Variants in GRIN2A observed in about 807,000 individuals in gnomAD.
GRIN2A encodes the protein glutamate ionotropic receptor NMDA type subunit 2A, also known as glutamate receptor ionotropic, NMDA 2A.
In GRIN2A, 22 loss-of-function variants were observed where a neutral mutation model predicts 113.4. The ratio of observed to expected loss-of-function variants is 0.19; its 90% confidence interval spans 0.14 to 0.28. The LOEUF is 0.28. GRIN2A is among the 10% of genes least tolerant of loss of function. GRIN2A has a pLI of 1.00. For missense variants in GRIN2A, 1,502 were observed against 1,887.0 expected (o/e 0.80, Z 3.78); for synonymous variants, 827 against 738.4 (o/e 1.12, Z -1.94).
In GRIN2A at chr16:9,871,110, G is replaced by A. The variant is rs577661907; in HGVS notation, c.1122+19876C>T. ...ATCACAGCAACAGATTTCCTGCCAC[G>A]CCCACAATTTTCCTGCTCCCATCTT... On this transcript the variant is annotated intron_variant, in intron 4 of 12. Coordinates refer to ENST00000330684, the MANE Select transcript of GRIN2A (RefSeq NM_001134407.3). 5.9e-5 allele frequency among the ~76,000 whole-genome samples: 9 copies of A among 151,564 alleles called. No homozygotes were observed. In the East Asian group the frequency reaches 1.2e-3, roughly 20 times the overall value.
chr16:9,891,366 C>T (rs976238851), intron 3 of GRIN2A, among the ~76,000 whole-genome samples: 6 of 152,174 alleles, frequency 3.9e-5, no homozygotes, highest in Admixed American at 1.3e-4. Flanking sequence ...GATCTTCTTA[C>T]AGGAAGATCT....
intron 4 of GRIN2A, among the ~76,000 whole-genome samples, chr16:9,856,637 A>G (rs1305580574): frequency 6.6e-6 from 1 of 151,896 alleles, no homozygotes; most frequent in Non-Finnish European, 1.5e-5. Context: ...AAAAAAAAAA[A>G]AAAAAAGATT....
intron 2 of GRIN2A, among the ~76,000 whole-genome samples, chr16:9,952,516 C>T (rs1036934645): frequency 7.2e-5 from 11 of 151,996 alleles, no homozygotes; most frequent in Non-Finnish European, 1.5e-4. Context: ...AGGCAGGGCC[C>T]GAGGGTAGGT....
chr16:10,002,330 C>T (rs766026872), intron 2 of GRIN2A, among the ~76,000 whole-genome samples: 46 of 152,200 alleles, frequency 3.0e-4, no homozygotes, highest in Non-Finnish European at 5.4e-4. Flanking sequence ...TGGGTTATTG[C>T]CAATAGATCT....
intron 3 of GRIN2A, among the ~76,000 whole-genome samples, chr16:9,924,638 T>C (rs1158427679): frequency 6.6e-6 from 1 of 152,242 alleles, no homozygotes; most frequent in East Asian, 1.9e-4. Flanking sequence ...CCAAAATTCT[T>C]CCTGCCCCCT....
chr16:9,812,105 A>ACAGT (rs1464831340), intron 10 of GRIN2A, among the ~76,000 whole-genome samples: 1 of 152,182 alleles, frequency 6.6e-6, no homozygotes, highest in African/African-American at 2.4e-5. Flanking sequence ...TATTATGAGA[A>ACAGT]CAGTCATATT....
rs145974948 is a variant in GRIN2A at position 9,835,841 on chromosome 16, C to A, written c.1652-1611G>T. Among the ~76,000 whole-genome samples, 18 of 152,270 alleles carry A rather than the reference C, an allele frequency of 1.2e-4. No individual in the cohort carries two copies. The East Asian group carries it at 3.5e-3, about 29-fold the overall frequency. On this transcript the variant is annotated intron_variant, in intron 7 of 12. Transcript: ENST00000330684. Reference sequence around the variant, plus strand: ...ATAACAAGAAACTAATATGTCCGAACTTAACTTTAGCTATATTGGATAATT... The same window carrying A: ...ATAACAAGAAACTAATATGTCCGAAATTAACTTTAGCTATATTGGATAATT...
In GRIN2A at chr16:9,932,859, T is replaced by C. The variant is rs142412079; in HGVS notation, c.1007+5100A>G. ...GGTCCGAAGTCTAAAAAAGTACAGA[T>C]TAGGTTCGAACCCATGCAACCTGGC... is the stretch of plus-strand genomic sequence containing the variant. On this transcript the variant is annotated intron_variant, in intron 3 of 12. Coordinates refer to ENST00000330684, the MANE Select transcript of GRIN2A (RefSeq NM_001134407.3). 2.3e-4 allele frequency among the ~76,000 whole-genome samples: 35 copies of C among 152,282 alleles called. 1 individual carries two copies. In the East Asian group the frequency reaches 6.8e-3, roughly 29 times the overall value.
chr16:9,935,573 G>C (rs937613079), intron 3 of GRIN2A, among the ~76,000 whole-genome samples: 1 of 140,644 alleles, frequency 7.1e-6, no homozygotes, highest in East Asian at 2.1e-4. Flanking sequence ...TCCAGCCCCA[G>C]TTCAGAGATA....
intron 4 of GRIN2A, among the ~76,000 whole-genome samples, chr16:9,859,609 TACAC>T (rs55697606): frequency 0.021 from 3,028 of 141,150 alleles, 36 homozygotes; most frequent in African/African-American, 0.029. Flanking sequence ...CTCGAACCTC[TACAC>T]ACACACACAC....
chr16:9,920,651 C>T (rs2044341519), intron 3 of GRIN2A, among the ~76,000 whole-genome samples: 1 of 151,166 alleles, frequency 6.6e-6, no homozygotes, highest in Non-Finnish European at 1.5e-5. Flanking sequence ...ACTGCAACCT[C>T]GCCTCCCAGG....
intron 2 of GRIN2A, among the ~76,000 whole-genome samples, chr16:10,103,416 A>G (rs1010837063): frequency 6.6e-6 from 1 of 152,216 alleles, no homozygotes; most frequent in Non-Finnish European, 1.5e-5. Context: ...CATTTCAGCC[A>G]TCTTAAATGA....
intron 2 of GRIN2A, among the ~76,000 whole-genome samples, chr16:9,949,300 AATGG>A (rs2045107123): frequency 6.6e-6 from 1 of 152,206 alleles, no homozygotes; most frequent in Non-Finnish European, 1.5e-5. Flanking sequence ...TAAGCAGGTG[AATGG>A]ATGGACAGAC....
At chr16:10,165,511 C>CAT (rs58396840) in intron 2 of GRIN2A, among the ~76,000 whole-genome samples, 4,372 of 138,712 alleles carry the variant, frequency 0.032, 81 homozygotes, top group African/African-American at 0.039. Context: ...TATATATATA[C>CAT]ATATATATAT....
chr16:10,147,074 T>A (rs1051633401), intron 2 of GRIN2A, among the ~76,000 whole-genome samples: 19 of 152,056 alleles, frequency 1.2e-4, no homozygotes, highest in African/African-American at 1.4e-4. Context: ...ATCAAAACAG[T>A]ACTTTGTAAA....
Position 9,760,173 on chromosome 16 carries a change from A to G in GRIN2A, c.*2976T>C. The G allele has an allele frequency of 4.4e-6, 1 of 226,478 alleles. No homozygotes were observed. Among genetic ancestry groups the G allele is most frequent in the East Asian group, 6.4e-5 (1 of 15,718 alleles). 14.0% of individuals were successfully genotyped at this position (226,478 alleles called of 1,614,324 possible). A position where few individuals can be genotyped will look rare whatever the true frequency, so the allele number is the denominator to read the frequency against. On this transcript the variant is annotated 3_prime_UTR_variant, in exon 13 of 13. Transcript: ENST00000330684. ...TAAGAACTCAGAGCTGGGATATGTT[A>G]CGGGAATCTTCTGTGATAGATCTAT...
chr16:10,124,195 A>C (rs1260719736), intron 2 of GRIN2A, among the ~76,000 whole-genome samples: 1 of 152,112 alleles, frequency 6.6e-6, no homozygotes, highest in Admixed American at 6.5e-5. Flanking sequence ...GTGTGTTCCA[A>C]AACCTAGGCC....
At chr16:10,047,820 G>A (rs1180418313) in intron 2 of GRIN2A, among the ~76,000 whole-genome samples, 1 of 152,152 alleles carries the variant, frequency 6.6e-6, no homozygotes, top group Non-Finnish European at 1.5e-5. Context: ...CCACTCCTTG[G>A]CAGGAATAAT....
intron 4 of GRIN2A, among the ~76,000 whole-genome samples, chr16:9,868,691 GCCT>G (rs1222040037): frequency 1.3e-5 from 2 of 152,050 alleles, no homozygotes; most frequent in African/African-American, 4.8e-5. Flanking sequence ...AAGTGACCTG[GCCT>G]CCTCCCCAGG....
Sources: gnomAD v4.1 joint callset for allele counts (sites outside exome capture counted in the v4.1 genomes callset) on GRCh38, gnomAD v4.1.1 for gene constraint, MANE v1.5 for transcripts, NCBI Gene and HGNC (gene_info 2026-07-23, HGNC 2026-07-21) for gene names.